PPIP5K2: variants seen among roughly 807,000 people sequenced by gnomAD.
The protein encoded by PPIP5K2 is inositol hexakisphosphate and diphosphoinositol-pentakisphosphate kinase 2.
PPIP5K2 carries 105 observed loss-of-function variants against 154.6 expected under a neutral mutation model. The ratio of observed to expected loss-of-function variants is 0.68; its 90% CI spans 0.58 to 0.80. PPIP5K2 has a LOEUF of 0.80. PPIP5K2 is among the 30% of genes least tolerant of loss of function. The pLI is 0.00. For missense variants in PPIP5K2, 992 were observed against 1,504.6 expected, an observed-to-expected ratio of 0.66 and a Z score of 5.64; for synonymous variants, 480 against 490.3, an observed-to-expected ratio of 0.98 and a Z score of 0.28.
rs1376444922 is a variant in PPIP5K2 at position 103,208,322 on chromosome 5, C to T, written c.*6688C>T. 4 of 152,174 alleles carry T rather than the reference C, an allele frequency of 2.6e-5. No individual in the cohort carries two copies. In the East Asian group the frequency reaches 7.7e-4, roughly 29 times the overall value. The allele number at this position is 152,174 out of a possible 1,614,324, so 9.4% of individuals were successfully genotyped here. Reference sequence around the variant, plus strand: ...GCCAGGCTGGTCTCGAACTCCTGACCTCATGATCTTCCTGCCTCAGCCTCC... The same window carrying T: ...GCCAGGCTGGTCTCGAACTCCTGACTTCATGATCTTCCTGCCTCAGCCTCC... On this transcript the variant is annotated 3_prime_UTR_variant, in exon 31 of 31. Transcript: ENST00000358359.
intron 16 of PPIP5K2, 93 bp from the exon 17 acceptor site, chr5:103,159,047 ATAAACT>A (rs1795835167): frequency 1.2e-6 from 1 of 838,920 alleles, no homozygotes; most frequent in South Asian, 3.1e-5. Flanking sequence ...TTTATTTATG[ATAAACT>A]TAACTTATAC....
chr5:103,147,353 G>A (rs1001403132), intron 6 of PPIP5K2, among the ~76,000 whole-genome samples: 2 of 151,950 alleles, frequency 1.3e-5, no homozygotes, highest in Non-Finnish European at 2.9e-5. Flanking sequence ...AAACAAGGAT[G>A]TAGAACAGTG....
chr5:103,195,849 G>A (rs1802010359), intron 30 of PPIP5K2, among the ~76,000 whole-genome samples: 1 of 152,020 alleles, frequency 6.6e-6, no homozygotes, highest in African/African-American at 2.4e-5. Context: ...GCTCTCAAAT[G>A]TTCTTTTGGT....
chr5:103,121,307 C>T (rs1311332329), intron 1 of PPIP5K2, among the ~76,000 whole-genome samples: 4 of 152,096 alleles, frequency 2.6e-5, no homozygotes, highest in Non-Finnish European at 4.4e-5. Flanking sequence ...CTTATGTGTG[C>T]CGAGTGCTTT....
Position 103,158,583 on chromosome 5 carries a change from AT to A in PPIP5K2, c.1737+19del, listed in dbSNP as rs551908425. The A allele has an allele frequency of 2.8e-4, 427 of 1,549,790 alleles. 2 individuals are homozygous for A. The highest frequency in any genetic ancestry group is 9.8e-4 in the East Asian group (43 of 43,688). ...AGCTGCTTTTGCAAAGGTATAAATAATTTTTTTTTAGAATTATTAGAGTTTT... is the reference window on the plus strand; with the variant it reads ...AGCTGCTTTTGCAAAGGTATAAATAATTTTTTTTAGAATTATTAGAGTTTT... On this transcript the variant is annotated intron_variant, in intron 16 of 30. Coordinates refer to ENST00000358359, the MANE Select transcript of PPIP5K2 (RefSeq NM_001276277.3).
chr5:103,159,685 A>G (rs967422035), intron 17 of PPIP5K2, among the ~76,000 whole-genome samples: 3 of 152,214 alleles, frequency 2.0e-5, no homozygotes, highest in Non-Finnish European at 4.4e-5. Flanking sequence ...ATATATGTTT[A>G]TGACACAACA....
chr5:103,186,385 C>G lies in PPIP5K2; in HGVS notation c.3235C>G (p.Gln1079Glu). The change falls in exon 27 of 31, where the codon CAG (glutamine) becomes GAG (glutamate). Residue 1079 changes from glutamine (Q) to glutamate (E), a missense_variant. Physicochemically the swap from Gln to Glu is conservative, Grantham distance 29. Around this residue, in one of 9 missense-constraint regions of PPIP5K2, gnomAD observed 204 missense variants for 224.0 expected, o/e 0.91. Coordinates refer to ENST00000358359, the MANE Select transcript of PPIP5K2 (RefSeq NM_001276277.3). ...GGGTTCTTCAAGCGCACCTAACCTA[C>G]AGGATTATGCTCGTACTCATCGTAA... ...LGGSSSAPNL[Q>E]DYARTHRKKL... 6.2e-7 allele frequency: 1 copy of G among 1,613,964 alleles called. No homozygotes were observed. Among genetic ancestry groups the G allele is most frequent in the Non-Finnish European group, 8.5e-7 (1 of 1,179,890 alleles).
intron 25 of PPIP5K2, chr5:103,184,198 AG>A (rs1327007544): frequency 1.0e-4 from 16 of 152,454 alleles, no homozygotes; most frequent in Admixed American, 7.2e-4. Flanking sequence ...ATTTGACTAT[AG>A]GAAAAGGGAT....
chr5:103,135,328 G>A (rs1350937474), intron 3 of PPIP5K2, among the ~76,000 whole-genome samples: 1 of 152,216 alleles, frequency 6.6e-6, no homozygotes, highest in East Asian at 1.9e-4. Flanking sequence ...CACATAGCTA[G>A]TGAGAGATGG....
chr5:103,140,059 A>G (rs1413245924), intron 5 of PPIP5K2, among the ~76,000 whole-genome samples: 7 of 152,038 alleles, frequency 4.6e-5, no homozygotes, highest in Non-Finnish European at 1.5e-5. Flanking sequence ...CTTCCCAGGT[A>G]GCACTTTTCA....
chr5:103,167,461 CA>C, intron 18 of PPIP5K2, 141 bp downstream of exon 18: 6 of 566,448 alleles, frequency 1.1e-5, no homozygotes, highest in Non-Finnish European at 1.4e-5. Flanking sequence ...GTATATCAAG[CA>C]AAAAAATAAT....
intron 29 of PPIP5K2, among the ~76,000 whole-genome samples, chr5:103,191,772 G>A (rs1801278046): frequency 6.6e-6 from 1 of 152,058 alleles, no homozygotes; most frequent in South Asian, 2.1e-4. Flanking sequence ...CAGCTCTATA[G>A]GATTCCTCAG....
intron 17 of PPIP5K2, among the ~76,000 whole-genome samples, chr5:103,164,748 T>C (rs966846705): frequency 1.3e-5 from 2 of 152,094 alleles, no homozygotes; most frequent in Non-Finnish European, 2.9e-5. Flanking sequence ...ACCTAGTTTA[T>C]TATAACCAGA....
At chr5:103,128,387 T>C (rs1316672529) in intron 1 of PPIP5K2, among the ~76,000 whole-genome samples, 1 of 30,402 alleles carries the variant, frequency 3.3e-5, no homozygotes, top group Non-Finnish European at 6.7e-5. Flanking sequence ...CTTATAGTTC[T>C]TATTTATTTA....
chr5:103,173,039 C>A, intron 19 of PPIP5K2, 116 bp from the exon 20 acceptor site: 1 of 765,760 alleles, frequency 1.3e-6, no homozygotes, highest in Non-Finnish European at 1.9e-6. Context: ...AGTTATCCAA[C>A]GTTCAAAAAA....
At position 103,186,521 on chromosome 5, in the gene PPIP5K2, AG is replaced by A. The variant is rs1427584231; in HGVS notation, c.3289+84del. 1.9e-6 allele frequency: 3 copies of A among 1,571,384 alleles called. No homozygotes were observed. The African/African-American group carries it at 4.1e-5, about 21-fold the overall frequency. On this transcript the variant is annotated intron_variant, in intron 27 of 30. Coordinates refer to ENST00000358359, the MANE Select transcript of PPIP5K2 (RefSeq NM_001276277.3). ...GCAGTATTTCTCAAAGGCAAATCTAAGGCCACTGACTGATTCGAGTGAAATC... is the reference window on the plus strand; with the variant it reads ...GCAGTATTTCTCAAAGGCAAATCTAAGCCACTGACTGATTCGAGTGAAATC...
intron 17 of PPIP5K2, among the ~76,000 whole-genome samples, chr5:103,163,086 G>GTTTTTTTTTT (rs35922283): frequency 1.7e-5 from 1 of 59,870 alleles, no homozygotes; most frequent in African/African-American, 6.1e-5. Flanking sequence ...TTCTTCAAGT[G>GTTTTTTTTTT]TTTTTTTTTT....
chr5:103,133,682 CCTCT>C lies in PPIP5K2; in HGVS notation c.310+37_310+40del, dbSNP rs781818941. 1.3e-5 allele frequency: 20 copies of C among 1,483,830 alleles called. No individual in the cohort carries two copies. The South Asian group carries it at 2.5e-4, about 18-fold the overall frequency. The allele number at this position is 1,483,830 out of a possible 1,614,324, so 91.9% of individuals were successfully genotyped here. ...GGGAGTGGGGGAGAAACTCCTTTAT[CCTCT>C]CTGTTTATAAAACTAATACATATTA... is the stretch of plus-strand genomic sequence containing the variant. On this transcript the variant is annotated intron_variant, in intron 3 of 30. Transcript: ENST00000358359.
intron 19 of PPIP5K2, among the ~76,000 whole-genome samples, chr5:103,169,424 GAA>G (rs1797618856): frequency 6.6e-6 from 1 of 151,708 alleles, no homozygotes; most frequent in Non-Finnish European, 1.5e-5. Flanking sequence ...ACATGTATAA[GAA>G]TGGTTAAAAT....
Sources: allele counts gnomAD v4.1 joint callset (sites outside exome capture counted in the v4.1 genomes callset), GRCh38; gene constraint gnomAD v4.1.1; regional missense constraint gnomAD v4.1.1; transcripts MANE v1.5; gene names NCBI Gene and HGNC (gene_info 2026-07-23, HGNC 2026-07-21).